Variants in MAP3K7 observed in about 807,000 individuals in gnomAD.
MAP3K7 encodes TGF-beta activated kinase 1.
MAP3K7 carries 21 observed loss-of-function variants against 84.8 expected under a neutral mutation model. That is an observed-to-expected ratio of 0.25 (90% confidence interval 0.18 to 0.36). The LOEUF (loss-of-function observed/expected upper bound fraction) is 0.36, where lower values mean the gene tolerates loss of function less well. Among genes scored for constraint, MAP3K7 ranks in the 10% least tolerant of loss-of-function variants. MAP3K7 has a pLI of 1.00. For synonymous variants in MAP3K7, 241 were observed against 247.7 expected (o/e 0.97, Z 0.25); for missense variants, 503 against 747.7 (o/e 0.67, Z 3.82).
Position 90,561,601 on chromosome 6 carries a change from GA to G in MAP3K7, c.343+20del. On this transcript the variant is annotated intron_variant, in intron 4 of 16. Coordinates refer to ENST00000369329, the MANE Select transcript of MAP3K7 (RefSeq NM_145331.3). Reference sequence around the variant, plus strand: ...AAATTATTTTAATCCACTAGATAAAGACAGGTCTAATGACACTCACCATTAT... The same window carrying G: ...AAATTATTTTAATCCACTAGATAAAGCAGGTCTAATGACACTCACCATTAT... 6.4e-7 allele frequency: 1 copy of G among 1,574,402 alleles called. No individual in the cohort carries two copies. The highest frequency in any genetic ancestry group is 8.7e-7 in the Non-Finnish European group (1 of 1,148,510).
At position 90,525,228 on chromosome 6, in the gene MAP3K7, C is replaced by T. The variant is rs531769762; in HGVS notation, c.1357-1445G>A. Among the ~76,000 whole-genome samples, 12 of 152,096 alleles carry T rather than the reference C, an allele frequency of 7.9e-5. No individual in the cohort carries two copies. The South Asian group carries it at 2.3e-3, about 29-fold the overall frequency. Reference sequence around the variant, plus strand: ...AAAAAAGAAAACCAGGCAAAAACTACCCCAAATAAGGTACCTATATTAATA... The same window carrying T: ...AAAAAAGAAAACCAGGCAAAAACTATCCCAAATAAGGTACCTATATTAATA... On this transcript the variant is annotated intron_variant, in intron 13 of 16. Coordinates refer to ENST00000369329, the MANE Select transcript of MAP3K7 (RefSeq NM_145331.3).
At chr6:90,569,630 C>T (rs931107572) in intron 2 of MAP3K7, among the ~76,000 whole-genome samples, 1 of 152,070 alleles carries the variant, frequency 6.6e-6, no homozygotes, top group Non-Finnish European at 1.5e-5. Context: ...GGTGCACAGC[C>T]ACCATGCCTG....
Position 90,516,484 on chromosome 6 carries a change from G to GT in MAP3K7, c.*16dup, listed in dbSNP as rs1425054370. The GT allele has an allele frequency of 6.2e-7, 1 of 1,601,700 alleles. No homozygotes were observed. Among genetic ancestry groups the GT allele is most frequent in the Non-Finnish European group, 8.5e-7 (1 of 1,176,138 alleles). On this transcript the variant is annotated 3_prime_UTR_variant, in exon 17 of 17. Transcript: ENST00000369329. ...AGTCTTTCTTTGCATATTTCAAAAT[G>GT]TAACGGTCCCAGAGAATCATGAAGT... is the stretch of plus-strand genomic sequence containing the variant.
At chr6:90,531,203 G>C (rs1411544643) in intron 13 of MAP3K7, among the ~76,000 whole-genome samples, 3 of 152,090 alleles carry the variant, frequency 2.0e-5, no homozygotes, top group Admixed American at 1.3e-4. Context: ...AAAAGGAATT[G>C]GAAGTTATTT....
At chr6:90,532,815 T>G (rs920281113) in intron 13 of MAP3K7, among the ~76,000 whole-genome samples, 2 of 152,218 alleles carry the variant, frequency 1.3e-5, no homozygotes, top group Non-Finnish European at 1.5e-5. Flanking sequence ...CAGCTACAAT[T>G]CATCATCACT....
chr6:90,580,626 T>A (rs1407273835), intron 1 of MAP3K7, among the ~76,000 whole-genome samples: 3 of 152,306 alleles, frequency 2.0e-5, no homozygotes, highest in African/African-American at 7.2e-5. Context: ...AGCCCAACAT[T>A]ATTTTAAATG....
Position 90,560,133 on chromosome 6 carries a change from G to A in MAP3K7, c.425C>T (p.Ala142Val). The change falls in exon 5 of 17, where the codon GCT (alanine) becomes GTT (valine). Residue 142 changes from alanine (A) to valine (V), a missense_variant. By Grantham distance (64) the Ala-to-Val change is moderately conservative. Coordinates refer to ENST00000369329, the MANE Select transcript of MAP3K7 (RefSeq NM_145331.3). ...SWCLQCSQGV[A>V]YLHSMQPKAL... ...TTTGGGTTGCATGCTGTGAAGATAA[G>A]CCACTCCTTGGGAACACTGTAAACA... 6.2e-7 allele frequency: 1 copy of A among 1,614,172 alleles called. No homozygotes were observed. Among genetic ancestry groups the A allele is most frequent in the Non-Finnish European group, 8.5e-7 (1 of 1,180,016 alleles).
At chr6:90,567,153 G>C (rs1776735478) in intron 3 of MAP3K7, among the ~76,000 whole-genome samples, 1 of 152,162 alleles carries the variant, frequency 6.6e-6, no homozygotes, top group Non-Finnish European at 1.5e-5. Context: ...ATAGGCATGG[G>C]CAAGGACTTC....
intron 1 of MAP3K7, among the ~76,000 whole-genome samples, chr6:90,580,817 A>G (rs1777244859): frequency 6.6e-6 from 1 of 152,248 alleles, no homozygotes; most frequent in Non-Finnish European, 1.5e-5. Context: ...CTTTGGTTTT[A>G]AAAGGGAGGT....
chr6:90,561,229 ATT>A (rs985522954), intron 4 of MAP3K7, among the ~76,000 whole-genome samples: 1 of 150,602 alleles, frequency 6.6e-6, no homozygotes, highest in African/African-American at 2.4e-5. Context: ...GAGTTTTCAC[ATT>A]TTTTTTTGAA....
At chr6:90,549,481 ATTAGGCTTGTGGT>A (rs1359813445) in intron 9 of MAP3K7, among the ~76,000 whole-genome samples, 1 of 152,212 alleles carries the variant, frequency 6.6e-6, no homozygotes, top group Non-Finnish European at 1.5e-5. Flanking sequence ...GTCAGCTTTC[ATTAGGCTTGTGGT>A]TTAGCCAAGC....
intron 8 of MAP3K7, 52 bp from the exon 9 acceptor site, chr6:90,550,601 A>G (rs770265934): frequency 1.5e-5 from 17 of 1,117,988 alleles, no homozygotes; most frequent in Middle Eastern, 2.0e-4. Context: ...TACAAATTAA[A>G]TCCTGATTAA....
intron 13 of MAP3K7, among the ~76,000 whole-genome samples, chr6:90,524,061 G>A (rs1268856635): frequency 6.6e-6 from 1 of 152,054 alleles, no homozygotes; most frequent in Admixed American, 6.6e-5. Flanking sequence ...GACAGCCCTC[G>A]GAATTTCAAC....
intron 3 of MAP3K7, among the ~76,000 whole-genome samples, chr6:90,566,925 T>C (rs1051138926): frequency 2.0e-5 from 3 of 152,164 alleles, no homozygotes; most frequent in Non-Finnish European, 2.9e-5. Context: ...TACAACCATC[T>C]GATCTTTGAC....
intron 5 of MAP3K7, among the ~76,000 whole-genome samples, chr6:90,559,079 A>G (rs1435354645): frequency 6.6e-6 from 1 of 152,268 alleles, no homozygotes; most frequent in African/African-American, 2.4e-5. Context: ...TCATTAGTTA[A>G]GGCAGGTAAC....
chr6:90,522,623 C>A (rs1775189187), intron 14 of MAP3K7, among the ~76,000 whole-genome samples: 1 of 152,074 alleles, frequency 6.6e-6, no homozygotes, highest in Non-Finnish European at 1.5e-5. Context: ...AGGGGTGAAA[C>A]AGGAGTTTTT....
chr6:90,527,302 G>C (rs1005061707), intron 13 of MAP3K7, among the ~76,000 whole-genome samples: 1 of 150,662 alleles, frequency 6.6e-6, no homozygotes, highest in Non-Finnish European at 1.5e-5. Context: ...TTGTTCTCTT[G>C]CCCAGGCTGG....
chr6:90,523,887 A>C, intron 13 of MAP3K7, 104 bp from the exon 14 acceptor site: 3 of 665,048 alleles, frequency 4.5e-6, no homozygotes, highest in Non-Finnish European at 5.4e-6. Context: ...AGATCCCCCC[A>C]AAACTCTTGT....
At chr6:90,575,204 C>T (rs1777034199) in intron 1 of MAP3K7, among the ~76,000 whole-genome samples, 1 of 152,160 alleles carries the variant, frequency 6.6e-6, no homozygotes, top group Admixed American at 6.5e-5. Context: ...GAATGGACCC[C>T]TGCCTTCATG....
Sources: gnomAD v4.1 joint callset for allele counts (sites outside exome capture counted in the v4.1 genomes callset) on GRCh38, gnomAD v4.1.1 for gene constraint, MANE v1.5 for transcripts, NCBI Gene and HGNC (gene_info 2026-07-23, HGNC 2026-07-21) for gene names.